The following SGCZ variants were observed in gnomAD, a reference collection of about 807,000 sequenced individuals.
SGCZ encodes the protein zeta-sarcoglycan.
In SGCZ, 40 loss-of-function variants were observed where a neutral mutation model predicts 41.3. The observed-to-expected ratio is 0.97, with a 90% CI of 0.75 to 1.26. The LOEUF (loss-of-function observed/expected upper bound fraction) is 1.26, where lower values mean the gene tolerates loss of function less well. Among genes scored for constraint, SGCZ ranks in the 50% most tolerant of loss-of-function variants. The probability of loss-of-function intolerance (pLI) is 0.00; values close to 1 mark genes in which losing one functional copy is unlikely to be tolerated. For synonymous variants in SGCZ, 206 were observed against 137.5 expected (o/e 1.50, Z -3.49); for missense variants, 552 against 369.8 (o/e 1.49, Z -4.04).
chr8:14,765,493 C>A (rs1037659377), intron 1 of SGCZ, among the ~76,000 whole-genome samples: 1 of 152,078 alleles, frequency 6.6e-6, no homozygotes, highest in Non-Finnish European at 1.5e-5. Context: ...TAAATAAATT[C>A]TCCTCTCTAT....
intron 1 of SGCZ, among the ~76,000 whole-genome samples, chr8:15,198,453 G>C (rs993250323): frequency 3.9e-5 from 6 of 152,024 alleles, no homozygotes; most frequent in African/African-American, 1.4e-4. Context: ...CTAATAAGAA[G>C]CTATTGAAAA....
intron 4 of SGCZ, among the ~76,000 whole-genome samples, chr8:14,230,691 T>C (rs770796382): frequency 2.0e-5 from 3 of 152,010 alleles, no homozygotes; most frequent in Non-Finnish European, 4.4e-5. Flanking sequence ...AAAATCTATA[T>C]ATTCCTACAT....
intron 1 of SGCZ, among the ~76,000 whole-genome samples, chr8:14,746,007 C>T (rs1235651448): frequency 6.6e-6 from 1 of 151,714 alleles, no homozygotes; most frequent in African/African-American, 2.4e-5. Flanking sequence ...AATTATTATT[C>T]TCTTGTTTTC....
chr8:14,604,074 T>C (rs960127101), intron 1 of SGCZ, among the ~76,000 whole-genome samples: 1 of 152,136 alleles, frequency 6.6e-6, no homozygotes, highest in African/African-American at 2.4e-5. Context: ...CGAGAAATTA[T>C]CTATTGTGAC....
chr8:14,309,061 A>G, intron 3 of SGCZ: 1 of 1,389,540 alleles, frequency 7.2e-7, no homozygotes, highest in Non-Finnish European at 1.0e-6. Flanking sequence ...TTAATTCCCC[A>G]ACTACAGAAG....
chr8:14,101,437 G>T (rs1802017181), intron 7 of SGCZ, among the ~76,000 whole-genome samples: 4 of 151,146 alleles, frequency 2.6e-5, no homozygotes, highest in African/African-American at 9.9e-5. Flanking sequence ...TCCAGAATTG[G>T]TAAAAATGTG....
chr8:14,914,889 C>G (rs976965797), intron 1 of SGCZ, among the ~76,000 whole-genome samples: 3 of 152,104 alleles, frequency 2.0e-5, no homozygotes, highest in Non-Finnish European at 2.9e-5. Context: ...TTGCTGGGAG[C>G]CAGCCCAATA....
rs1366270435 is a variant in SGCZ, at chr8:14,085,511, A to T, written c.*4932T>A. Among the ~76,000 whole-genome samples the T allele has an allele frequency of 6.6e-6, 1 of 151,784 alleles. No individual in the cohort carries two copies. Among genetic ancestry groups the T allele is most frequent in the African/African-American group, 2.4e-5 (1 of 41,412 alleles). ...CAGTTCATTATATCTCATTTCCTTT[A>T]ATGGTTTTCATTGGCTTTCTCAAAA... is the stretch of plus-strand genomic sequence containing the variant. On this transcript the variant is annotated 3_prime_UTR_variant, in exon 8 of 8. Coordinates refer to ENST00000382080, the MANE Select transcript of SGCZ (RefSeq NM_139167.4).
chr8:14,912,723 G>A (rs1260309277), intron 1 of SGCZ, among the ~76,000 whole-genome samples: 4 of 152,064 alleles, frequency 2.6e-5, no homozygotes, highest in Non-Finnish European at 4.4e-5. Flanking sequence ...ACAGAGTTTG[G>A]CGGAAATTTG....
chr8:14,619,161 A>G (rs1806202310), intron 1 of SGCZ, among the ~76,000 whole-genome samples: 1 of 152,364 alleles, frequency 6.6e-6, no homozygotes, highest in Admixed American at 6.5e-5. Context: ...AACGTAATCC[A>G]GCATATAAAC....
At chr8:14,575,319 T>C (rs1351982968) in intron 1 of SGCZ, among the ~76,000 whole-genome samples, 2 of 152,096 alleles carry the variant, frequency 1.3e-5, no homozygotes, top group Admixed American at 1.3e-4. Flanking sequence ...TGAATGGAAA[T>C]AGCAAGTGAT....
At chr8:15,110,279 T>C (rs1442008984) in intron 1 of SGCZ, among the ~76,000 whole-genome samples, 2 of 152,176 alleles carry the variant, frequency 1.3e-5, no homozygotes, top group African/African-American at 4.8e-5. Flanking sequence ...AAAAAGACTC[T>C]TACAGTGTCA....
intron 2 of SGCZ, among the ~76,000 whole-genome samples, chr8:14,389,308 T>A (rs1804677848): frequency 6.6e-6 from 1 of 151,688 alleles, no homozygotes; most frequent in African/African-American, 2.4e-5. Context: ...TAATATTTTA[T>A]CAATAACATG....
At chr8:15,158,106 T>C (rs984925169) in intron 1 of SGCZ, among the ~76,000 whole-genome samples, 1 of 152,076 alleles carries the variant, frequency 6.6e-6, no homozygotes, top group South Asian at 2.1e-4. Flanking sequence ...TCTCCTTTTC[T>C]CTAGATCTCT....
At chr8:14,185,718 G>A (rs1448888808) in intron 4 of SGCZ, among the ~76,000 whole-genome samples, 3 of 151,800 alleles carry the variant, frequency 2.0e-5, no homozygotes, top group African/African-American at 7.3e-5. Context: ...CTCACTCATC[G>A]TCTTTCTATT....
intron 4 of SGCZ, among the ~76,000 whole-genome samples, chr8:14,187,895 A>G (rs1341268355): frequency 6.6e-6 from 1 of 152,206 alleles, no homozygotes; most frequent in Non-Finnish European, 1.5e-5. Flanking sequence ...GCATCATAAT[A>G]AAAATGATGA....
chr8:14,291,394 G>C (rs1056081601), intron 3 of SGCZ, among the ~76,000 whole-genome samples: 2 of 151,966 alleles, frequency 1.3e-5, no homozygotes, highest in Non-Finnish European at 2.9e-5. Flanking sequence ...ACATGTAGTA[G>C]TGCATAAATA....
intron 5 of SGCZ, among the ~76,000 whole-genome samples, chr8:14,159,842 G>A (rs1253136275): frequency 6.6e-6 from 1 of 152,148 alleles, no homozygotes; most frequent in African/African-American, 2.4e-5. Context: ...ACAAGAACAA[G>A]GATGTAGAAG....
intron 2 of SGCZ, among the ~76,000 whole-genome samples, chr8:14,448,371 T>C (rs1800495006): frequency 6.6e-6 from 1 of 152,214 alleles, no homozygotes; most frequent in African/African-American, 2.4e-5. Flanking sequence ...CAATTTCCTC[T>C]GGAGTAAACT....
Sources: gnomAD v4.1 joint callset for allele counts (sites outside exome capture counted in the v4.1 genomes callset) on GRCh38, gnomAD v4.1.1 for gene constraint, MANE v1.5 for transcripts, NCBI Gene and HGNC (gene_info 2026-07-23, HGNC 2026-07-21) for gene names.